PGAP1: variants seen among roughly 807,000 people sequenced by gnomAD.
PGAP1 encodes the protein post-GPI attachment to proteins inositol deacylase 1, also known as GPI inositol-deacylase.
PGAP1 carries 76 observed loss-of-function variants against 127.0 expected under a neutral mutation model. That is an observed-to-expected ratio of 0.60 (90% confidence interval 0.50 to 0.72). The LOEUF is 0.72. Ranked by LOEUF, PGAP1 falls within the 30% of genes least tolerant of loss-of-function variation. The pLI is 0.00. For synonymous variants in PGAP1, 362 were observed against 366.5 expected (o/e 0.99, Z 0.14); for missense variants, 982 against 1,071.3 (o/e 0.92, Z 1.16).
At chr2:196,844,596 T>C in intron 23 of PGAP1, 22 bp from the exon 24 acceptor site, 1 of 1,544,796 alleles carries the variant, frequency 6.5e-7, no homozygotes, top group Non-Finnish European at 8.8e-7. Flanking sequence ...AAATTGCTCT[T>C]TAATTTTACT....
chr2:196,872,453 G>A lies in PGAP1; in HGVS notation c.1716C>T (p.Asp572=). ...VALFKMYTSS[D]CRYEVTVKTS... ...ACATACAACTTACCTCGTACCGACA[G>A]TCTGATGACGTGTACATTTTAAATA... Residue 572 remains aspartate, a synonymous_variant, in exon 18 of 27, where the codon GAC becomes GAT. Transcript: ENST00000354764. The A allele has an allele frequency of 6.2e-7, 1 of 1,602,802 alleles. No individual in the cohort carries two copies. The highest frequency in any genetic ancestry group is 8.5e-7 in the Non-Finnish European group (1 of 1,169,882).
intron 20 of PGAP1, among the ~76,000 whole-genome samples, chr2:196,850,910 C>A (rs1160423894): frequency 6.6e-6 from 1 of 151,992 alleles, no homozygotes; most frequent in Non-Finnish European, 1.5e-5. Flanking sequence ...TGGGAAATAA[C>A]CTGAATCTGA....
At chr2:196,889,579 G>T (rs550715807) in intron 10 of PGAP1, among the ~76,000 whole-genome samples, 1 of 151,772 alleles carries the variant, frequency 6.6e-6, no homozygotes, top group South Asian at 2.1e-4. Context: ...TCCTGAGGCC[G>T]GGCGCGGTGG....
At chr2:196,912,164 A>G (rs1047946329) in intron 4 of PGAP1, among the ~76,000 whole-genome samples, 1 of 152,326 alleles carries the variant, frequency 6.6e-6, no homozygotes, top group East Asian at 1.9e-4. Flanking sequence ...CTAAGAGCTC[A>G]ATAAATATTA....
intron 2 of PGAP1, among the ~76,000 whole-genome samples, chr2:196,919,452 G>T (rs1174580458): frequency 1.3e-5 from 2 of 152,110 alleles, no homozygotes; most frequent in Non-Finnish European, 2.9e-5. Context: ...ATTAATTCCA[G>T]GTTATTTGGC....
At chr2:196,879,936 A>C (rs1701680549) in intron 13 of PGAP1, 140 bp downstream of exon 13, 3 of 604,890 alleles carry the variant, frequency 5.0e-6, no homozygotes, top group Non-Finnish European at 8.7e-6. Context: ...GATGATCCTA[A>C]TAATTTAACA....
intron 5 of PGAP1, among the ~76,000 whole-genome samples, chr2:196,901,541 G>T (rs1702490840): frequency 6.6e-6 from 1 of 152,140 alleles, no homozygotes; most frequent in Non-Finnish European, 1.5e-5. Flanking sequence ...TCTTTAGGAA[G>T]TAAGTTATAT....
At position 196,843,942 on chromosome 2, in the gene PGAP1, G is replaced by A; in HGVS notation, c.2471C>T (p.Thr824Ile). 1 of 1,593,086 alleles carries A rather than the reference G, an allele frequency of 6.3e-7. No individual in the cohort carries two copies. The highest frequency in any genetic ancestry group is 8.6e-7 in the Non-Finnish European group (1 of 1,167,356). The change falls in exon 25 of 27, where the codon ACA (threonine) becomes ATA (isoleucine). Residue 824 changes from threonine to isoleucine, a missense_variant. Transcript: ENST00000354764. ...AGGCATGCTGAGTAATACAATCCATGTTAGTAAGTTAATCACAGTACTGTG... is the reference window on the plus strand; with the variant it reads ...AGGCATGCTGAGTAATACAATCCATATTAGTAAGTTAATCACAGTACTGTG... ...RMHSTVINLL[T>I]WIVLLSMPSL...
chr2:196,875,087 C>T (rs1484172946), intron 14 of PGAP1, among the ~76,000 whole-genome samples: 1 of 152,124 alleles, frequency 6.6e-6, no homozygotes, highest in East Asian at 1.9e-4. Flanking sequence ...GAACAGTATT[C>T]TTCAAAGGTT....
rs1278086061 is a variant in PGAP1 at position 196,844,017 on chromosome 2, A to G, written c.2396T>C (p.Ile799Thr). ...KKSNHHKDSS[I>T]HHLRLSANDA... Reference sequence around the variant, plus strand: ...GTTGGCAGATAAACGAAGATGGTGTATTGAGGAGTCTTTATGATGATTGGA... The same window carrying G: ...GTTGGCAGATAAACGAAGATGGTGTGTTGAGGAGTCTTTATGATGATTGGA... Residue 799 changes from isoleucine (I) to threonine (T), a missense_variant, in exon 25 of 27, where the codon ATA becomes ACA. Ile to Thr is a moderately conservative substitution (Grantham distance 89). Transcript: ENST00000354764. The G allele has an allele frequency of 1.2e-6, 2 of 1,605,646 alleles. No individual in the cohort carries two copies. The highest frequency in any genetic ancestry group is 1.7e-6 in the Non-Finnish European group (2 of 1,174,362).
At chr2:196,867,753 T>C (rs1436279498) in intron 19 of PGAP1, among the ~76,000 whole-genome samples, 1 of 152,180 alleles carries the variant, frequency 6.6e-6, no homozygotes, top group Non-Finnish European at 1.5e-5. Flanking sequence ...AGGGAAACTA[T>C]GGAAGTACAA....
At chr2:196,900,257 A>T (rs889993303) in intron 5 of PGAP1, among the ~76,000 whole-genome samples, 4 of 152,106 alleles carry the variant, frequency 2.6e-5, no homozygotes, top group African/African-American at 9.7e-5. Flanking sequence ...CCACCCACCA[A>T]CCTAAATATC....
intron 1 of PGAP1, chr2:196,922,037 TA>T: frequency 1.4e-6 from 1 of 695,204 alleles, no homozygotes; most frequent in Non-Finnish European, 1.9e-6. Context: ...GACTCCAATA[TA>T]AATTTTTTAT....
rs112012835 is a variant in PGAP1 at position 196,902,396 on chromosome 2, T to TATTCATTCATTC, written c.807+177_807+188dup. Among the ~76,000 whole-genome samples, 884 of 151,472 alleles carry TATTCATTCATTC rather than the reference T, an allele frequency of 5.8e-3. 6 individuals are homozygous for TATTCATTCATTC. The highest frequency in any genetic ancestry group is 0.02 in the African/African-American group (832 of 41,014). The stretch of plus-strand genomic sequence containing the variant: ...CAATTCTGCCCTCCCAACACATTCA[T>TATTCATTCATTC]ATTCATTCATTCATTCATTTTCTCT... On this transcript the variant is annotated intron_variant, in intron 5 of 26. Coordinates refer to ENST00000354764, the MANE Select transcript of PGAP1 (RefSeq NM_024989.4).
rs1208148840 is a variant in PGAP1 at position 196,837,277 on chromosome 2, A to C, written c.*3957T>G. The C allele has an allele frequency of 2.0e-5, 3 of 152,200 alleles. No individual in the cohort carries two copies. The highest frequency in any genetic ancestry group is 7.2e-5 in the African/African-American group (3 of 41,458). The allele number at this position is 152,200 out of a possible 1,614,324, so 9.4% of individuals were successfully genotyped here. On this transcript the variant is annotated 3_prime_UTR_variant, in exon 27 of 27. Coordinates refer to ENST00000354764, the MANE Select transcript of PGAP1 (RefSeq NM_024989.4). ...TTTCCCTTGGCCACAAAGGGTGCTA[A>C]TAAACAGCAAGATGAAATGAATGCA...
chr2:196,846,091 T>C, intron 22 of PGAP1, 74 bp from the exon 23 acceptor site: 2 of 854,312 alleles, frequency 2.3e-6, no homozygotes, highest in South Asian at 6.5e-5. Context: ...AAGAAAACAA[T>C]ATAGTACCCT....
intron 11 of PGAP1, 131 bp downstream of exon 11, chr2:196,885,703 C>T (rs1326380735): frequency 8.5e-6 from 6 of 708,728 alleles, no homozygotes; most frequent in Non-Finnish European, 1.3e-5. Context: ...CTTTACTTTT[C>T]ATTTTAAAAA....
chr2:196,923,471 T>C (rs960153826), intron 1 of PGAP1, among the ~76,000 whole-genome samples: 2 of 152,156 alleles, frequency 1.3e-5, no homozygotes, highest in Admixed American at 6.5e-5. Flanking sequence ...ATTGTAACTA[T>C]ACATTACATG....
chr2:196,879,323 G>A (rs1045896975), intron 13 of PGAP1, among the ~76,000 whole-genome samples: 28 of 152,076 alleles, frequency 1.8e-4, no homozygotes, highest in African/African-American at 6.5e-4. Context: ...GTGTATTTGG[G>A]TAGTTCTTTT....
Sources: allele counts gnomAD v4.1 joint callset (sites outside exome capture counted in the v4.1 genomes callset), GRCh38; gene constraint gnomAD v4.1.1; transcripts MANE v1.5; gene names NCBI Gene and HGNC (gene_info 2026-07-23, HGNC 2026-07-21).